Variants in LRP4 observed in about 807,000 individuals in gnomAD.
LRP4 encodes low-density lipoprotein receptor-related protein 4.
A neutral mutation model predicts 220.3 loss-of-function variants in LRP4; 95 were observed. The observed-to-expected ratio is 0.43, with a 90% CI of 0.37 to 0.51. The LOEUF (loss-of-function observed/expected upper bound fraction) is 0.51. Ranked by LOEUF, LRP4 falls within the 20% of genes least tolerant of loss-of-function variation. The probability of loss-of-function intolerance (pLI) is 0.00; values close to 1 mark genes in which losing one functional copy is unlikely to be tolerated. For missense variants in LRP4, 1,925 were observed against 2,567.0 expected (o/e 0.75, Z 5.40); for synonymous variants, 903 against 954.6 (o/e 0.95, Z 1.00).
At chr11:46,872,122 G>A (rs1940881320) in intron 30 of LRP4, among the ~76,000 whole-genome samples, 1 of 152,132 alleles carries the variant, frequency 6.6e-6, no homozygotes, top group South Asian at 2.1e-4. Flanking sequence ...CAGGCGTGGT[G>A]ACACGTGCCT....
At chr11:46,909,724 A>G (rs1592553742) in intron 1 of LRP4, among the ~76,000 whole-genome samples, 2 of 150,620 alleles carry the variant, frequency 1.3e-5, no homozygotes, top group Non-Finnish European at 2.9e-5. Flanking sequence ...CAATAAATAC[A>G]AGTTCGTTGA....
intron 1 of LRP4, among the ~76,000 whole-genome samples, chr11:46,906,784 C>T (rs945621229): frequency 1.3e-5 from 2 of 152,266 alleles, no homozygotes; most frequent in East Asian, 1.9e-4. Flanking sequence ...CGATTTCCCC[C>T]GCGCAGACTG....
intron 37 of LRP4, among the ~76,000 whole-genome samples, chr11:46,861,786 AGGCTGGGCGCAGT>A (rs999853154): frequency 9.9e-5 from 15 of 152,198 alleles, no homozygotes; most frequent in African/African-American, 3.6e-4. Flanking sequence ...AAACAAAAGC[AGGCTGGGCGCAGT>A]GGCTCACGCC....
At position 46,858,632 on chromosome 11, in the gene LRP4, G is replaced by C; in HGVS notation, c.*351C>G. 2.7e-6 allele frequency: 1 copy of C among 370,244 alleles called. No homozygotes were observed. The highest frequency in any genetic ancestry group is 5.2e-6 in the Non-Finnish European group (1 of 190,856). 22.9% of individuals were successfully genotyped at this position (370,244 alleles called of 1,614,324 possible). On this transcript the variant is annotated 3_prime_UTR_variant, in exon 38 of 38. Coordinates refer to ENST00000378623, the MANE Select transcript of LRP4 (RefSeq NM_002334.4). ...AGAGCGCAGTCCTGGGTCATCAGCT[G>C]CATCAGCACTGAGAAGCAGGCACTG...
chr11:46,858,895 G>T lies in LRP4; in HGVS notation c.*88C>A. 2 of 1,284,706 alleles carry T rather than the reference G, an allele frequency of 1.6e-6. No individual in the cohort carries two copies. Among genetic ancestry groups the T allele is most frequent in the Non-Finnish European group, 2.3e-6 (2 of 883,892 alleles). 79.6% of individuals were successfully genotyped at this position (1,284,706 alleles called of 1,614,324 possible). On this transcript the variant is annotated 3_prime_UTR_variant, in exon 38 of 38. Transcript: ENST00000378623. ...GGAGGAGGAGGAGGACAAGCACACAGAAGCGGGGCCTGCGGTGTAAGCGAG... is the reference window on the plus strand; with the variant it reads ...GGAGGAGGAGGAGGACAAGCACACATAAGCGGGGCCTGCGGTGTAAGCGAG...
intron 31 of LRP4, 42 bp downstream of exon 31, chr11:46,871,483 C>G (rs1010375912): frequency 7.4e-7 from 1 of 1,346,342 alleles, no homozygotes. Flanking sequence ...AAAGAAACAT[C>G]CCAGTCAAGG....
chr11:46,897,102 G>A (rs947304076), intron 7 of LRP4, 108 bp from the exon 8 acceptor site: 28 of 1,403,828 alleles, frequency 2.0e-5, no homozygotes, highest in South Asian at 1.9e-4. Flanking sequence ...TCTTGACACC[G>A]GGATCACAGC....
chr11:46,903,010 T>TA, intron 1 of LRP4, 81 bp from the exon 2 acceptor site: 1 of 1,559,706 alleles, frequency 6.4e-7, no homozygotes, highest in Non-Finnish European at 8.8e-7. Context: ...TAGAGGAGCC[T>TA]AGTCCAGGGG....
intron 2 of LRP4, 58 bp from the exon 3 acceptor site, chr11:46,900,436 A>T: frequency 9.4e-7 from 1 of 1,064,864 alleles, no homozygotes; most frequent in Non-Finnish European, 1.5e-6. Context: ...ACTCAGGCTC[A>T]ACTAGGCCAG....
rs538988812 is a variant in LRP4, at chr11:46,884,008, G to A, written c.2507-32C>T. 4 of 1,556,190 alleles carry A rather than the reference G, an allele frequency of 2.6e-6. No homozygotes were observed. In the African/African-American group the frequency reaches 5.4e-5, roughly 21 times the overall value. ...AGAAGGGATACAGAGATTAATTCTAGTCTTGTTCATTCACCCTCTTACCTT... is the reference window on the plus strand; with the variant it reads ...AGAAGGGATACAGAGATTAATTCTAATCTTGTTCATTCACCCTCTTACCTT... On this transcript the variant is annotated intron_variant, in intron 18 of 37. Coordinates refer to ENST00000378623, the MANE Select transcript of LRP4 (RefSeq NM_002334.4).
intron 1 of LRP4, among the ~76,000 whole-genome samples, chr11:46,908,173 G>A (rs961945192): frequency 3.9e-5 from 6 of 151,994 alleles, no homozygotes; most frequent in Non-Finnish European, 7.4e-5. Context: ...CTCATGATCC[G>A]CCCACCTCGG....
At chr11:46,861,259 T>C (rs1358901316) in intron 37 of LRP4, among the ~76,000 whole-genome samples, 2 of 152,044 alleles carry the variant, frequency 1.3e-5, no homozygotes, top group Non-Finnish European at 2.9e-5. Flanking sequence ...CCAGAAGTAG[T>C]GGAAGCTATT....
At position 46,881,682 on chromosome 11, in the gene LRP4, C is replaced by T; in HGVS notation, c.2814+20G>A. 6.2e-7 allele frequency: 1 copy of T among 1,606,092 alleles called. No homozygotes were observed. Among genetic ancestry groups the T allele is most frequent in the Middle Eastern group, 1.7e-4 (1 of 6,000 alleles). ...GATGTTTTAGTGCCACCCTTACCTTCCTCTTACTGCCACCCTTACCTTCCT... is the reference window on the plus strand; with the variant it reads ...GATGTTTTAGTGCCACCCTTACCTTTCTCTTACTGCCACCCTTACCTTCCT... On this transcript the variant is annotated intron_variant, in intron 20 of 37. Transcript: ENST00000378623.
chr11:46,894,594 C>T lies in LRP4; in HGVS notation c.1535G>A (p.Ser512Asn), dbSNP rs769948678. Residue 512 changes from serine to asparagine, a missense_variant, in exon 12 of 38, where the codon AGC (serine) becomes AAC (asparagine). Physicochemically the swap from Ser to Asn is conservative, Grantham distance 46. Around this residue, in one of 3 missense-constraint regions of LRP4, gnomAD observed 269 missense variants for 436.7 expected, o/e 0.62. Coordinates refer to ENST00000378623, the MANE Select transcript of LRP4 (RefSeq NM_002334.4). Reference protein sequence around the residue: ...VEEVVSTGLESPGGLAVDWVH... With the variant: ...VEEVVSTGLENPGGLAVDWVH... ...CATGGGGCCTTGTTCCCTACCTGGG[C>T]TCTCCAGCCCAGTAGACACAACCTC... 4 of 1,602,920 alleles carry T rather than the reference C, an allele frequency of 2.5e-6. No homozygotes were observed. Among genetic ancestry groups the T allele is most frequent in the Non-Finnish European group, 3.4e-6 (4 of 1,174,402 alleles).
At chr11:46,902,193 A>C (rs1017219627) in intron 2 of LRP4, among the ~76,000 whole-genome samples, 1 of 151,736 alleles carries the variant, frequency 6.6e-6, no homozygotes, top group African/African-American at 2.4e-5. Flanking sequence ...CCTCATCTCT[A>C]CTAAAAATAC....
chr11:46,903,373 A>AC (rs1941704326), intron 1 of LRP4, among the ~76,000 whole-genome samples: 1 of 152,200 alleles, frequency 6.6e-6, no homozygotes, highest in African/African-American at 2.4e-5. Context: ...ATGTGCCTGT[A>AC]GTCCCAGCTA....
intron 28 of LRP4, 75 bp downstream of exon 28, chr11:46,874,725 G>A (rs1411212059): frequency 1.6e-5 from 21 of 1,298,400 alleles, no homozygotes; most frequent in Non-Finnish European, 2.2e-5. Context: ...TCCATTTAGT[G>A]GTCAGAACAC....
At position 46,872,028 on chromosome 11, in the gene LRP4, C is replaced by T. The variant is rs553920840; in HGVS notation, c.4584-395G>A. ...ATCCCAGCACTTTGGGAGGCCGAGG[C>T]GGGGGATCACTTGAGGTCAGGAGTT... On this transcript the variant is annotated intron_variant, in intron 30 of 37. Coordinates refer to ENST00000378623, the MANE Select transcript of LRP4 (RefSeq NM_002334.4). Among the ~76,000 whole-genome samples, 9 of 152,138 alleles carry T rather than the reference C, an allele frequency of 5.9e-5. No homozygotes were observed. The East Asian group carries it at 1.4e-3, about 23-fold the overall frequency.
At chr11:46,895,097 C>A in intron 11 of LRP4, 69 bp downstream of exon 11, 1 of 1,601,992 alleles carries the variant, frequency 6.2e-7, no homozygotes. Flanking sequence ...AATCCCTGAG[C>A]ACCAGAGTAC....
Sources: allele counts gnomAD v4.1 joint callset (sites outside exome capture counted in the v4.1 genomes callset), GRCh38; gene constraint gnomAD v4.1.1; regional missense constraint gnomAD v4.1.1; transcripts MANE v1.5; gene names NCBI Gene and HGNC (gene_info 2026-07-23, HGNC 2026-07-21).